Variants in STAB2 observed in about 807,000 individuals in gnomAD.
STAB2 encodes stabilin 2.
STAB2 carries 288 observed loss-of-function variants against 338.1 expected under a neutral mutation model. The ratio of observed to expected loss-of-function variants is 0.85; its 90% CI spans 0.77 to 0.94. The LOEUF is 0.94. STAB2 is among the 40% of genes least tolerant of loss of function. The probability of loss-of-function intolerance (pLI) is 0.00; values close to 1 mark genes in which losing one functional copy is unlikely to be tolerated. For missense variants in STAB2, 3,141 were observed against 3,210.1 expected, an observed-to-expected ratio of 0.98 and a Z score of 0.52; for synonymous variants, 1,202 against 1,193.3, an observed-to-expected ratio of 1.01 and a Z score of -0.15.
intron 63 of STAB2, 74 bp downstream of exon 63, chr12:103,755,792 C>A: frequency 7.0e-7 from 1 of 1,422,918 alleles, no homozygotes; most frequent in South Asian, 1.2e-5. Context: ...AGGGGTGAGG[C>A]CTTAAGCTGA....
At position 103,766,633 on chromosome 12, in the gene STAB2, G is replaced by A. The variant is rs529010387; in HGVS notation, c.*297G>A. 1.5e-5 allele frequency: 5 copies of A among 343,636 alleles called. No individual in the cohort carries two copies. In the South Asian group the frequency reaches 1.9e-4, roughly 13 times the overall value. 21.3% of individuals were successfully genotyped at this position (343,636 alleles called of 1,614,324 possible). A position where few individuals can be genotyped will look rare whatever the true frequency, so the allele number is the denominator to read the frequency against. On this transcript the variant is annotated 3_prime_UTR_variant, in exon 69 of 69. Coordinates refer to ENST00000388887, the MANE Select transcript of STAB2 (RefSeq NM_017564.10). ...TGTGATCTTTCTTCCCTGTTAGATTGTAAGCCTCCGTCTTTGTATCCCAGC... is the reference window on the plus strand; with the variant it reads ...TGTGATCTTTCTTCCCTGTTAGATTATAAGCCTCCGTCTTTGTATCCCAGC...
intron 15 of STAB2, among the ~76,000 whole-genome samples, chr12:103,658,623 A>C (rs867273447): frequency 5.9e-5 from 9 of 152,138 alleles, no homozygotes; most frequent in African/African-American, 1.9e-4. Flanking sequence ...ACTGAGACTC[A>C]TGGGTTAAGT....
At chr12:103,603,010 G>C (rs1415869661) in intron 3 of STAB2, among the ~76,000 whole-genome samples, 3 of 152,034 alleles carry the variant, frequency 2.0e-5, no homozygotes, top group African/African-American at 7.2e-5. Context: ...TCAAAGCTTT[G>C]TAGTTGGCTT....
At chr12:103,683,090 TG>T in intron 25 of STAB2, 114 bp from the exon 26 acceptor site, 1 of 798,620 alleles carries the variant, frequency 1.3e-6, no homozygotes, top group Non-Finnish European at 2.0e-6. Context: ...CACTGTTCTC[TG>T]GGACAGCCAA....
chr12:103,749,213 T>A, intron 59 of STAB2, 57 bp downstream of exon 59: 1 of 1,515,970 alleles, frequency 6.6e-7, no homozygotes, highest in Non-Finnish European at 8.9e-7. Context: ...TCGCTCCTCC[T>A]TGCCTTTCCA....
chr12:103,704,061 G>T (rs1453951583), intron 35 of STAB2, among the ~76,000 whole-genome samples: 1 of 152,228 alleles, frequency 6.6e-6, no homozygotes, highest in Non-Finnish European at 1.5e-5. Context: ...TAGGCTTAAG[G>T]TTCAGAACTA....
At chr12:103,629,003 T>C (rs1957420652) in intron 5 of STAB2, among the ~76,000 whole-genome samples, 1 of 152,172 alleles carries the variant, frequency 6.6e-6, no homozygotes, top group African/African-American at 2.4e-5. Context: ...ATCTAAAATT[T>C]AGTTGTGTAG....
intron 26 of STAB2, among the ~76,000 whole-genome samples, 186 bp downstream of exon 26, chr12:103,683,486 A>G (rs150080590): frequency 3.9e-5 from 6 of 152,360 alleles, no homozygotes; most frequent in African/African-American, 1.4e-4. Context: ...AAGAACCAAC[A>G]TATGACTTCC....
rs1270616173 is a variant in STAB2 at position 103,654,783 on chromosome 12, CTG to C, written c.1551+88_1551+89del. 4.0e-6 allele frequency: 6 copies of C among 1,491,472 alleles called. No individual in the cohort carries two copies. The African/African-American group carries it at 5.6e-5, about 14-fold the overall frequency. 92.4% of individuals were successfully genotyped at this position (1,491,472 alleles called of 1,614,324 possible). ...GTCACATCCAGAGCATGCCAGCACT[CTG>C]TGCTTGTGCTTCGTTTGTGCTAGGA... On this transcript the variant is annotated intron_variant, in intron 13 of 68. Coordinates refer to ENST00000388887, the MANE Select transcript of STAB2 (RefSeq NM_017564.10).
chr12:103,672,658 T>C (rs1050179313), intron 22 of STAB2, among the ~76,000 whole-genome samples: 1 of 152,134 alleles, frequency 6.6e-6, no homozygotes, highest in African/African-American at 2.4e-5. Context: ...TTCTGATCAT[T>C]TTCCAAGCCC....
intron 3 of STAB2, among the ~76,000 whole-genome samples, chr12:103,605,036 T>C (rs1427769167): frequency 2.0e-5 from 3 of 151,930 alleles, no homozygotes; most frequent in Admixed American, 1.3e-4. Flanking sequence ...TGTTGAAATG[T>C]TGTGTTTCAA....
chr12:103,672,092 T>A (rs147373723), intron 22 of STAB2, among the ~76,000 whole-genome samples: 8 of 152,320 alleles, frequency 5.3e-5, no homozygotes, highest in African/African-American at 1.9e-4. Context: ...GAGCTTGCAC[T>A]GAGCAAGTCA....
chr12:103,675,640 A>G (rs1027614907), intron 23 of STAB2, among the ~76,000 whole-genome samples: 3 of 152,356 alleles, frequency 2.0e-5, no homozygotes, highest in African/African-American at 7.2e-5. Flanking sequence ...TCAGCCTTAT[A>G]TGGGAGGTAT....
At chr12:103,610,923 T>A (rs1957112700) in intron 3 of STAB2, among the ~76,000 whole-genome samples, 2 of 152,212 alleles carry the variant, frequency 1.3e-5, no homozygotes, top group Non-Finnish European at 2.9e-5. Context: ...ACATCTTTAT[T>A]TCTGCCTTCA....
intron 51 of STAB2, among the ~76,000 whole-genome samples, chr12:103,734,558 T>C (rs1881953852): frequency 6.6e-6 from 1 of 152,196 alleles, no homozygotes; most frequent in Admixed American, 6.5e-5. Context: ...CACAATCATA[T>C]AGGAACATGG....
rs1884010580 is a variant in STAB2 at position 103,755,288 on chromosome 12, C to G, written c.6715-14C>G. The G allele has an allele frequency of 1.9e-6, 3 of 1,612,934 alleles. No homozygotes were observed. Among genetic ancestry groups the G allele is most frequent in the Non-Finnish European group, 2.5e-6 (3 of 1,179,720 alleles). On this transcript the variant is annotated splice_polypyrimidine_tract_variant and intron_variant, in intron 61 of 68. Coordinates refer to ENST00000388887, the MANE Select transcript of STAB2 (RefSeq NM_017564.10). ...ACTTGCAGCTGACCCATGGCCCTGT[C>G]TGTATCCCTGCAGGCCAAGTACCAC... is the stretch of plus-strand genomic sequence containing the variant.
intron 3 of STAB2, among the ~76,000 whole-genome samples, chr12:103,598,237 C>G (rs1956905588): frequency 6.6e-6 from 1 of 152,162 alleles, no homozygotes. Context: ...AGCTTTTAAA[C>G]AAAGGTGGTG....
At chr12:103,602,905 A>G (rs998901690) in intron 3 of STAB2, among the ~76,000 whole-genome samples, 8 of 152,176 alleles carry the variant, frequency 5.3e-5, no homozygotes, top group African/African-American at 1.9e-4. Context: ...ATGAGGTTCA[A>G]ATGTATCATG....
chr12:103,588,513 A>G (rs1033787512), intron 1 of STAB2, among the ~76,000 whole-genome samples: 1 of 152,188 alleles, frequency 6.6e-6, no homozygotes, highest in Non-Finnish European at 1.5e-5. Context: ...AATCACCATC[A>G]TCATCATCAT....
Sources: gnomAD v4.1 joint callset for allele counts (sites outside exome capture counted in the v4.1 genomes callset) on GRCh38, gnomAD v4.1.1 for gene constraint, MANE v1.5 for transcripts, NCBI Gene and HGNC (gene_info 2026-07-23, HGNC 2026-07-21) for gene names.